Variants in ZNF695 observed in about 807,000 individuals in gnomAD.
ZNF695 encodes zinc finger protein SBZF3.
ZNF695 carries 11 observed loss-of-function variants against 11.2 expected under a neutral mutation model. The observed-to-expected ratio is 0.98, with a 90% confidence interval of 0.62 to 1.62. The LOEUF is 1.62. ZNF695 is among the 40% of genes most tolerant of loss of function. ZNF695 has a pLI of 0.00. For synonymous variants in ZNF695, 190 were observed against 201.4 expected, an observed-to-expected ratio of 0.94 and a Z score of 0.48; for missense variants, 559 against 590.5, an observed-to-expected ratio of 0.95 and a Z score of 0.55.
At chr1:246,973,055 T>TAC (rs140679534) in intron 4 of ZNF695, among the ~76,000 whole-genome samples, 1 of 149,864 alleles carries the variant, frequency 6.7e-6, no homozygotes, top group South Asian at 2.1e-4. Flanking sequence ...CATATATATA[T>TAC]ATATATATTT....
intron 3 of ZNF695, among the ~76,000 whole-genome samples, chr1:246,997,269 G>A (rs556634934): frequency 6.6e-6 from 1 of 152,288 alleles, no homozygotes; most frequent in East Asian, 1.9e-4. Flanking sequence ...TTGGGAGGCT[G>A]AGGCAGGGGG....
rs71566679 is a variant in ZNF695 at position 246,980,178 on chromosome 1, TAAAAAAA to T, written c.390+7940_390+7946del. 3.1e-3 allele frequency among the ~76,000 whole-genome samples: 273 copies of T among 88,776 alleles called. 3 individuals carry two copies. In the East Asian group the frequency reaches 0.048, roughly 16 times the overall value. 58.2% of individuals were successfully genotyped at this position (88,776 alleles called of 152,430 possible). On this transcript the variant is annotated intron_variant, in intron 4 of 5. Transcript: ENST00000487338. ...TGGACGACAGCCTGGACTCTGTATT[TAAAAAAA>T]AAAAAAAAAAAAAAAAAAACTTATG... is the stretch of plus-strand genomic sequence containing the variant.
chr1:246,969,832 G>A (rs1431085945), intron 4 of ZNF695, among the ~76,000 whole-genome samples: 1 of 152,090 alleles, frequency 6.6e-6, no homozygotes, highest in Admixed American at 6.6e-5. Context: ...GAGCATAGGG[G>A]GAAGTGCTAC....
chr1:246,955,694 C>T (rs1329335454), intron 5 of ZNF695, among the ~76,000 whole-genome samples: 4 of 152,166 alleles, frequency 2.6e-5, no homozygotes, highest in Non-Finnish European at 2.9e-5. Flanking sequence ...AAAATGATAA[C>T]GCCCTATATT....
downstream of ZNF695, among the ~76,000 whole-genome samples, chr1:246,981,243 T>A (rs947673841): frequency 1.3e-5 from 2 of 152,068 alleles, no homozygotes; most frequent in Non-Finnish European, 2.9e-5. Flanking sequence ...TTGGCGAAAG[T>A]GTGGGGAAAG....
chr1:246,949,556 A>G (rs1667820820), intron 5 of ZNF695, among the ~76,000 whole-genome samples: 2 of 149,658 alleles, frequency 1.3e-5, no homozygotes, highest in Non-Finnish European at 1.5e-5. Context: ...ATGCTACTGC[A>G]CTCCAGCCTA....
intron 4 of ZNF695, among the ~76,000 whole-genome samples, chr1:246,977,100 T>C (rs1668587412): frequency 6.6e-6 from 1 of 152,184 alleles, no homozygotes; most frequent in Non-Finnish European, 1.5e-5. Context: ...ATTTTTTATG[T>C]TCCCTCAAGC....
At chr1:246,959,847 G>A (rs900913005) in intron 5 of ZNF695, among the ~76,000 whole-genome samples, 2 of 152,132 alleles carry the variant, frequency 1.3e-5, no homozygotes, top group East Asian at 1.9e-4. Context: ...CTCCCTCTCC[G>A]TGGCGGTTCT....
chr1:246,964,048 G>A (rs1204019912), intron 5 of ZNF695, among the ~76,000 whole-genome samples: 1 of 152,216 alleles, frequency 6.6e-6, no homozygotes, highest in Non-Finnish European at 1.5e-5. Flanking sequence ...AAAGGATACA[G>A]ATGGACAGCC....
At chr1:247,004,010 T>G (rs572615555) in intron 1 of ZNF695, among the ~76,000 whole-genome samples, 1 of 152,146 alleles carries the variant, frequency 6.6e-6, no homozygotes, top group Non-Finnish European at 1.5e-5. Flanking sequence ...GTTAGGAGTT[T>G]GAGATCAGCC....
At chr1:246,997,616 C>T (rs1049688510) in intron 3 of ZNF695, among the ~76,000 whole-genome samples, 1 of 152,072 alleles carries the variant, frequency 6.6e-6, no homozygotes, top group Non-Finnish European at 1.5e-5. Flanking sequence ...ATCTGCATCC[C>T]CATGTTCATT....
downstream of ZNF695, among the ~76,000 whole-genome samples, chr1:246,984,299 AAG>A: frequency 6.6e-6 from 1 of 150,738 alleles, no homozygotes; most frequent in Non-Finnish European, 1.5e-5. Flanking sequence ...AAAAAAAAAA[AAG>A]GAGGAGAGCT....
intron 5 of ZNF695, among the ~76,000 whole-genome samples, chr1:246,966,418 T>C (rs1572511521): frequency 6.6e-6 from 1 of 151,296 alleles, no homozygotes; most frequent in African/African-American, 2.4e-5. Flanking sequence ...GAGGTGGAGG[T>C]TGCAGTAGGC....
intron 5 of ZNF695, among the ~76,000 whole-genome samples, chr1:246,947,661 C>G (rs548252855): frequency 2.8e-5 from 3 of 109,086 alleles, no homozygotes; most frequent in African/African-American, 9.9e-5. Context: ...CTCAACCACA[C>G]GTTTATTCAC....
At chr1:246,945,743 G>T (rs1182667242) in exon 6 of ZNF695, 2 of 1,548,286 alleles carry the variant, frequency 1.3e-6, no homozygotes, top group Admixed American at 3.9e-5. Flanking sequence ...TCGCCTCACG[G>T]AGCAGGGAGT....
chr1:246,974,375 TC>T (rs994598674), intron 4 of ZNF695, among the ~76,000 whole-genome samples: 3 of 151,898 alleles, frequency 2.0e-5, no homozygotes, highest in African/African-American at 7.3e-5. Context: ...GGGTTATGAG[TC>T]CCTCCAGAGC....
intron 3 of ZNF695, among the ~76,000 whole-genome samples, chr1:246,992,885 A>G (rs930193600): frequency 6.6e-6 from 1 of 152,116 alleles, no homozygotes; most frequent in Non-Finnish European, 1.5e-5. Context: ...AATAAAGAAA[A>G]TAGTGGCACA....
At position 246,986,936 on chromosome 1, in the gene ZNF695, T is replaced by G; in HGVS notation, c.*31A>C. The G allele has an allele frequency of 6.5e-7, 1 of 1,534,468 alleles. No homozygotes were observed. The highest frequency in any genetic ancestry group is 2.3e-5 in the East Asian group (1 of 44,356). ...AGTTGTGAATAGGTATTAAAGACTA[T>G]GCCATATTGTTTAGAATTGTAGGGT... On this transcript the variant is annotated 3_prime_UTR_variant, in exon 4 of 4. Coordinates refer to ENST00000339986, the MANE Select transcript of ZNF695 (RefSeq NM_020394.5).
At chr1:247,006,275 CA>C (rs201208582) in intron 1 of ZNF695, among the ~76,000 whole-genome samples, 2,325 of 143,774 alleles carry the variant, frequency 0.016, 66 homozygotes, top group African/African-American at 0.055. Flanking sequence ...GTGAAAAAAA[CA>C]AAAAAGAACC....
Sources: gnomAD v4.1 joint callset for allele counts (sites outside exome capture counted in the v4.1 genomes callset) on GRCh38, gnomAD v4.1.1 for gene constraint, MANE v1.5 for transcripts, NCBI Gene and HGNC (gene_info 2026-07-23, HGNC 2026-07-21) for gene names.